The following IL1RAPL2 variants were observed in gnomAD, a reference collection of about 807,000 sequenced individuals.
The protein encoded by IL1RAPL2 is interleukin 1 receptor accessory protein like 2.
Under a neutral mutation model 44.1 loss-of-function variants are expected in IL1RAPL2, and 3 were observed. That is an observed-to-expected ratio of 0.07 (90% CI 0.03 to 0.18). The LOEUF (loss-of-function observed/expected upper bound fraction) is 0.18. Ranked by LOEUF, IL1RAPL2 falls within the 10% of genes least tolerant of loss-of-function variation. The pLI is 1.00. For missense variants in IL1RAPL2, 391 were observed against 496.4 expected, an observed-to-expected ratio of 0.79 and a Z score of 2.02; for synonymous variants, 181 against 178.8, an observed-to-expected ratio of 1.01 and a Z score of -0.10.
chrX:105,368,153 TG>T (rs1219357610), intron 5 of IL1RAPL2, among the ~76,000 whole-genome samples: 1 of 111,138 alleles, frequency 9.0e-6, no homozygotes, highest in East Asian at 2.8e-4. Flanking sequence ...TGTCCTTCTC[TG>T]GCAGGAATTT....
At chrX:105,398,446 T>C (rs1169580005) in intron 5 of IL1RAPL2, among the ~76,000 whole-genome samples, 1 of 111,334 alleles carries the variant, frequency 9.0e-6, no homozygotes, top group East Asian at 2.8e-4. Context: ...GTAAGTATTT[T>C]TGTCCTGAGA....
chrX:104,956,890 C>G (rs2029912604), intron 2 of IL1RAPL2, among the ~76,000 whole-genome samples: 1 of 111,496 alleles, frequency 9.0e-6, no homozygotes, highest in Non-Finnish European at 1.9e-5. Flanking sequence ...AAATTGTAAA[C>G]CATTGTATTG....
At chrX:104,699,333 C>T (rs1025677600) in intron 2 of IL1RAPL2, among the ~76,000 whole-genome samples, 4 of 111,657 alleles carry the variant, frequency 3.6e-5, no homozygotes, top group Non-Finnish European at 3.8e-5. Context: ...TACATGGTCC[C>T]ATCTGGGGGT....
intron 2 of IL1RAPL2, among the ~76,000 whole-genome samples, chrX:104,722,932 A>T (rs1217030533): frequency 9.0e-6 from 1 of 111,552 alleles, no homozygotes; most frequent in Non-Finnish European, 1.9e-5. Context: ...TTTGATTACA[A>T]AAATATAATT....
At chrX:104,907,970 T>C in intron 2 of IL1RAPL2, among the ~76,000 whole-genome samples, 1 of 110,401 alleles carries the variant, frequency 9.1e-6, no homozygotes, top group East Asian at 2.9e-4. Flanking sequence ...GGACTTGCTT[T>C]ATGAATTTGG....
At chrX:105,132,415 T>C (rs148537175) in intron 2 of IL1RAPL2, among the ~76,000 whole-genome samples, 262 of 110,721 alleles carry the variant, frequency 2.4e-3, no homozygotes, top group African/African-American at 8.3e-3. Context: ...TAAAAGGAGG[T>C]GAGGATCCTT....
chrX:104,612,260 A>G (rs1929178260), intron 1 of IL1RAPL2, among the ~76,000 whole-genome samples: 1 of 111,855 alleles, frequency 8.9e-6, no homozygotes, highest in Non-Finnish European at 1.9e-5. Flanking sequence ...ATTCTTTCCC[A>G]AAGCCAATGT....
intron 2 of IL1RAPL2, among the ~76,000 whole-genome samples, chrX:105,005,791 C>G (rs1224720626): frequency 9.0e-6 from 1 of 110,790 alleles, no homozygotes; most frequent in South Asian, 3.7e-4. Context: ...ACTTAAATAA[C>G]AGGGGAGAAT....
intron 2 of IL1RAPL2, among the ~76,000 whole-genome samples, chrX:104,833,381 A>T (rs993986288): frequency 8.0e-5 from 9 of 112,327 alleles, no homozygotes. Context: ...TGAATGCTGA[A>T]ACTAATTTTC....
chrX:105,323,697 G>A (rs2034913431), intron 5 of IL1RAPL2, among the ~76,000 whole-genome samples: 1 of 111,577 alleles, frequency 9.0e-6, no homozygotes, highest in Non-Finnish European at 1.9e-5. Flanking sequence ...TCAACCAGGT[G>A]AAACTCTGTC....
rs782378895 is a variant in IL1RAPL2, at chrX:105,184,047, T to A, written c.83-11428T>A. On this transcript the variant is annotated intron_variant, in intron 2 of 10. Coordinates refer to ENST00000372582, the MANE Select transcript of IL1RAPL2 (RefSeq NM_017416.2). ...TTCAGGGTCTCTCCTATGGCTAGGGTTGCAGGAGATCATGGTGGGAATGTG... is the reference window on the plus strand; with the variant it reads ...TTCAGGGTCTCTCCTATGGCTAGGGATGCAGGAGATCATGGTGGGAATGTG... Among the ~76,000 whole-genome samples, 21 of 111,421 alleles carry A rather than the reference T, an allele frequency of 1.9e-4. No homozygotes were observed. In the South Asian group the frequency reaches 3.8e-3, roughly 20 times the overall value.
rs1227640231 is a variant in IL1RAPL2 at position 105,031,695 on chromosome X, C to T, written c.83-163780C>T. ...ATCAATGTTTATCAATGATATTGGTCTAAAATTCTCTTTTTTGGTTGTGTC... is the reference window on the plus strand; with the variant it reads ...ATCAATGTTTATCAATGATATTGGTTTAAAATTCTCTTTTTTGGTTGTGTC... On this transcript the variant is annotated intron_variant, in intron 2 of 10. Transcript: ENST00000372582. 2.7e-5 allele frequency among the ~76,000 whole-genome samples: 3 copies of T among 111,694 alleles called. No homozygotes were observed. The Admixed American group carries it at 2.9e-4, about 11-fold the overall frequency.
intron 2 of IL1RAPL2, among the ~76,000 whole-genome samples, chrX:105,041,862 C>T (rs1269056518): frequency 9.0e-6 from 1 of 110,991 alleles, no homozygotes; most frequent in African/African-American, 3.3e-5. Flanking sequence ...GAGCATGGTA[C>T]TGGTACCAAA....
At chrX:105,572,168 TG>T (rs2037019041) in intron 6 of IL1RAPL2, among the ~76,000 whole-genome samples, 2 of 111,658 alleles carry the variant, frequency 1.8e-5, no homozygotes, top group South Asian at 7.5e-4. Context: ...ATGTCCAATA[TG>T]TATTAAATTC....
intron 5 of IL1RAPL2, among the ~76,000 whole-genome samples, chrX:105,417,566 A>G (rs2035743520): frequency 8.9e-6 from 1 of 112,799 alleles, no homozygotes; most frequent in Non-Finnish European, 1.9e-5. Flanking sequence ...TACTAAAATT[A>G]TTTGTTTTTA....
Position 105,702,781 on chromosome X carries a change from A to C in IL1RAPL2, c.773-14586A>C, listed in dbSNP as rs948110393. ...AGTCTAACAATCAGACTTTGGCAAA[A>C]TAATATATAAGATTTTCAAAAATAA... On this transcript the variant is annotated intron_variant, in intron 6 of 10. Transcript: ENST00000372582. Among the ~76,000 whole-genome samples the C allele has an allele frequency of 1.2e-4, 13 of 111,842 alleles. No homozygotes were observed. The East Asian group carries it at 2.6e-3, about 22-fold the overall frequency.
intron 6 of IL1RAPL2, among the ~76,000 whole-genome samples, chrX:105,512,891 G>C: frequency 9.0e-6 from 1 of 110,530 alleles, no homozygotes; most frequent in Middle Eastern, 4.7e-3. Context: ...CCTACATTAG[G>C]TATTTCTCCT....
chrX:105,243,587 GTA>G lies in IL1RAPL2; in HGVS notation c.543+9601_543+9602del, dbSNP rs1168803021. Among the ~76,000 whole-genome samples the G allele has an allele frequency of 7.6e-3, 569 of 74,811 alleles. 3 individuals are homozygous for G. Among genetic ancestry groups the G allele is most frequent in the African/African-American group, 0.05 (373 of 7,452 alleles). The allele number at this position is 74,811 out of a possible 115,157, so 65.0% of individuals were successfully genotyped here. On this transcript the variant is annotated intron_variant, in intron 4 of 10. Transcript: ENST00000372582. The stretch of plus-strand genomic sequence containing the variant: ...TGTGTGTATATATATATATATATGT[GTA>G]TATATATATATATATATTTTTTTTT...
At chrX:104,748,763 G>A (rs1441439733) in intron 2 of IL1RAPL2, among the ~76,000 whole-genome samples, 1 of 111,542 alleles carries the variant, frequency 9.0e-6, no homozygotes, top group Admixed American at 9.6e-5. Flanking sequence ...TTAGAATTCA[G>A]AGAGCAGAGA....
Sources: gnomAD v4.1 joint callset for allele counts (sites outside exome capture counted in the v4.1 genomes callset) on GRCh38, gnomAD v4.1.1 for gene constraint, MANE v1.5 for transcripts, NCBI Gene and HGNC (gene_info 2026-07-23, HGNC 2026-07-21) for gene names.